The following SGF29 variants were observed in gnomAD, a reference collection of about 807,000 sequenced individuals.
SGF29 encodes SAGA complex associated factor 29.
Under a neutral mutation model 38.1 loss-of-function variants are expected in SGF29, and 15 were observed. The ratio of observed to expected loss-of-function variants is 0.39; its 90% CI spans 0.26 to 0.61. The LOEUF is 0.61. Among genes scored for constraint, SGF29 ranks in the 20% least tolerant of loss-of-function variants. SGF29 has a pLI of 0.49. For synonymous variants in SGF29, 151 were observed against 160.8 expected (o/e 0.94, Z 0.46); for missense variants, 184 against 394.6 (o/e 0.47, Z 4.52).
chr16:28,576,726 C>G (rs2151648827), intron 1 of SGF29, among the ~76,000 whole-genome samples: 1 of 152,102 alleles, frequency 6.6e-6, no homozygotes, highest in Non-Finnish European at 1.5e-5. Flanking sequence ...GAAAACGTGC[C>G]CACACAAAAA....
At chr16:28,573,241 C>G (rs9929532) in intron 1 of SGF29, among the ~76,000 whole-genome samples, 2,921 of 152,126 alleles carry the variant, frequency 0.019, 99 homozygotes, top group African/African-American at 0.067. Flanking sequence ...TAAGAGATAG[C>G]CAGGCTCCAG....
intron 1 of SGF29, among the ~76,000 whole-genome samples, chr16:28,555,318 A>T (rs1332658939): frequency 1.3e-5 from 2 of 151,826 alleles, no homozygotes; most frequent in Non-Finnish European, 2.9e-5. Context: ...AAAAAAAAAA[A>T]TTAAAAAATT....
chr16:28,565,529 G>T (rs778422949), intron 1 of SGF29, among the ~76,000 whole-genome samples: 5 of 151,928 alleles, frequency 3.3e-5, no homozygotes, highest in African/African-American at 9.7e-5. Flanking sequence ...ACGGAGTCTC[G>T]CTCTGTCACC....
chr16:28,556,158 T>A (rs1224847463), intron 1 of SGF29, among the ~76,000 whole-genome samples: 1 of 152,032 alleles, frequency 6.6e-6, no homozygotes, highest in African/African-American at 2.4e-5. Context: ...TTGATGAATA[T>A]AGATTCTATT....
intron 3 of SGF29, 186 bp downstream of exon 3, chr16:28,585,174 T>C: frequency 1.8e-6 from 1 of 570,562 alleles, no homozygotes; most frequent in Non-Finnish European, 3.1e-6. Context: ...CCCTCTACTC[T>C]GAGGATTCGA....
At chr16:28,564,792 C>T (rs1242268433) in intron 1 of SGF29, among the ~76,000 whole-genome samples, 22 of 125,878 alleles carry the variant, frequency 1.7e-4, no homozygotes, top group African/African-American at 2.4e-4. Flanking sequence ...TATATACACA[C>T]ACACACACAC....
In SGF29 at chr16:28,590,632, T is replaced by C; in HGVS notation, c.568T>C (p.Tyr190His). The C allele has an allele frequency of 6.2e-7, 1 of 1,613,640 alleles. No homozygotes were observed. Among genetic ancestry groups the C allele is most frequent in the Non-Finnish European group, 8.5e-7 (1 of 1,179,970 alleles). Residue 190 changes from tyrosine (Y) to histidine (H), a missense_variant and splice_region_variant, in exon 8 of 10, where the codon TAT becomes CAT. By Grantham distance (83) the Tyr-to-His change is moderately conservative. Around this residue, in one of 2 missense-constraint regions of SGF29, gnomAD observed 107 missense variants for 276.9 expected, o/e 0.39. Coordinates refer to ENST00000317058, the MANE Select transcript of SGF29 (RefSeq NM_138414.3). The surrounding 1 kb of genome is among the most constrained non-coding windows in gnomAD (Gnocchi z 8.2). ...GCCTTTTCCTCCTTTTGTCTGCAGGTATGAGGTAGATGACATCGATGAAGA... is the reference window on the plus strand; with the variant it reads ...GCCTTTTCCTCCTTTTGTCTGCAGGCATGAGGTAGATGACATCGATGAAGA... ...VVSYSHATNK[Y>H]EVDDIDEEGK...
chr16:28,584,152 G>A (rs2046942033), intron 2 of SGF29, among the ~76,000 whole-genome samples: 3 of 151,548 alleles, frequency 2.0e-5, no homozygotes, highest in Non-Finnish European at 4.4e-5. Flanking sequence ...TACAATGCCC[G>A]GCTAATTTTT....
intron 4 of SGF29, chr16:28,588,716 G>A (rs554508233): frequency 8.0e-6 from 3 of 374,052 alleles, no homozygotes; most frequent in East Asian, 8.1e-5. Context: ...AGTTAAAGAC[G>A]CTCGCCACCA....
chr16:28,575,415 T>C (rs2046886981), intron 1 of SGF29, among the ~76,000 whole-genome samples: 1 of 152,348 alleles, frequency 6.6e-6, no homozygotes, highest in African/African-American at 2.4e-5. Context: ...ACACGGTGGC[T>C]CACACCTATA....
At chr16:28,578,283 A>C (rs2046906339) in intron 1 of SGF29, among the ~76,000 whole-genome samples, 1 of 152,080 alleles carries the variant, frequency 6.6e-6, no homozygotes, top group African/African-American at 2.4e-5. Flanking sequence ...TCATCTGCAA[A>C]TAGAAATAGT....
intron 9 of SGF29, among the ~76,000 whole-genome samples, chr16:28,591,175 G>C (rs777862177): frequency 8.6e-5 from 13 of 152,026 alleles, no homozygotes; most frequent in Admixed American, 4.6e-4. Context: ...AACCAGCTCC[G>C]AGATGGGAAG....
intron 1 of SGF29, among the ~76,000 whole-genome samples, chr16:28,571,289 G>C (rs958199570): frequency 6.6e-6 from 1 of 152,004 alleles, no homozygotes; most frequent in Admixed American, 6.6e-5. Flanking sequence ...CTTCAGAACT[G>C]TGAGCAATAA....
At chr16:28,586,054 C>T (rs2046954531) in intron 4 of SGF29, among the ~76,000 whole-genome samples, 1 of 152,092 alleles carries the variant, frequency 6.6e-6, no homozygotes, top group East Asian at 1.9e-4. Context: ...ATTGGGAGGC[C>T]GAGGTTAGAG....
chr16:28,577,993 C>T (rs2046904781), intron 1 of SGF29, among the ~76,000 whole-genome samples: 1 of 152,090 alleles, frequency 6.6e-6, no homozygotes, highest in Admixed American at 6.6e-5. Context: ...ATCTTGATTA[C>T]TGTAGCTTTC....
intron 9 of SGF29, among the ~76,000 whole-genome samples, chr16:28,591,208 C>T (rs1334115859): frequency 6.6e-6 from 1 of 152,154 alleles, no homozygotes; most frequent in Non-Finnish European, 1.5e-5. Context: ...GCCCTGGGCT[C>T]CTACCGCCTT....
At chr16:28,554,244 G>A (rs562304493) in intron 1 of SGF29, 147 bp downstream of exon 1, 1 of 147,390 alleles carries the variant, frequency 6.8e-6, no homozygotes, top group South Asian at 2.2e-4. Context: ...GGGGGGCGGG[G>A]CTCGTGGGGG....
rs2046983084 is a variant in SGF29 at position 28,590,559 on chromosome 16, TC to T, written c.567-67del. ...TGGTTGTGCAGGGAGCACCAGGTCC[TC>T]CCCCATCCTCACTCCCCAACAGGTA... is the stretch of plus-strand genomic sequence containing the variant. On this transcript the variant is annotated intron_variant, in intron 7 of 9. Coordinates refer to ENST00000317058, the MANE Select transcript of SGF29 (RefSeq NM_138414.3). The surrounding 1 kb of genome is among the most constrained non-coding windows in gnomAD (Gnocchi z 8.2). The T allele has an allele frequency of 6.2e-7, 1 of 1,611,780 alleles. No homozygotes were observed.
intron 1 of SGF29, among the ~76,000 whole-genome samples, chr16:28,575,278 A>G (rs1158790988): frequency 1.3e-5 from 2 of 152,242 alleles, no homozygotes; most frequent in Admixed American, 1.3e-4. Flanking sequence ...CTGTGGTGGT[A>G]AAAACAGTGT....
Sources: gnomAD v4.1 joint callset for allele counts (sites outside exome capture counted in the v4.1 genomes callset) on GRCh38, gnomAD v4.1.1 for gene constraint, gnomAD v4.1.1 regional missense constraint, Gnocchi (gnomAD v3.1) non-coding constraint, MANE v1.5 for transcripts, NCBI Gene and HGNC (gene_info 2026-07-23, HGNC 2026-07-21) for gene names.